The following PTPRD variants were observed in gnomAD, a reference collection of about 807,000 sequenced individuals.
PTPRD encodes the protein protein tyrosine phosphatase receptor type D.
PTPRD carries 34 observed loss-of-function variants against 214.5 expected under a neutral mutation model. That is an observed-to-expected ratio of 0.16 (90% CI 0.12 to 0.21). PTPRD has a LOEUF of 0.21. Ranked by LOEUF, PTPRD falls within the 10% of genes least tolerant of loss-of-function variation. PTPRD has a pLI of 1.00. For synonymous variants in PTPRD, 1,128 were observed against 845.7 expected (o/e 1.33, Z -5.79); for missense variants, 2,545 against 2,398.7 (o/e 1.06, Z -1.27).
chr9:8,762,704 A>G (rs1218054001), intron 11 of PTPRD, among the ~76,000 whole-genome samples: 2 of 152,154 alleles, frequency 1.3e-5, no homozygotes, highest in African/African-American at 4.8e-5. Flanking sequence ...GACCCTTGAA[A>G]CTAAAAGCAC....
At chr9:10,278,465 G>A (rs188155925) in intron 3 of PTPRD, among the ~76,000 whole-genome samples, 1 of 152,126 alleles carries the variant, frequency 6.6e-6, no homozygotes, top group African/African-American at 2.4e-5. Context: ...TCCAAAATCA[G>A]ACAACTTCTG....
chr9:8,759,880 GTGTT>G (rs1301262559), intron 11 of PTPRD, among the ~76,000 whole-genome samples: 6 of 152,112 alleles, frequency 3.9e-5, no homozygotes, highest in Admixed American at 2.0e-4. Context: ...TCCTGGACTC[GTGTT>G]TGTTTGTATG....
chr9:9,382,098 T>G (rs868749857), intron 9 of PTPRD, among the ~76,000 whole-genome samples: 1 of 152,150 alleles, frequency 6.6e-6, no homozygotes, highest in South Asian at 2.1e-4. Flanking sequence ...TTTCATTTCC[T>G]TGTTTAAGTT....
Position 8,873,102 on chromosome 9 carries a change from C to T in PTPRD, c.-103-139156G>A, listed in dbSNP as rs578243727. ...GCCCTGAGACTTCTAATCTGTCTGC[C>T]TAATGGAGCAGGTGGTGAGACTCTC... On this transcript the variant is annotated intron_variant, in intron 11 of 45. Transcript: ENST00000381196. Among the ~76,000 whole-genome samples the T allele has an allele frequency of 4.6e-5, 7 of 152,284 alleles. No homozygotes were observed. The East Asian group carries it at 9.6e-4, about 21-fold the overall frequency.
intron 2 of PTPRD, among the ~76,000 whole-genome samples, chr9:10,438,209 G>C (rs1033873762): frequency 2.0e-5 from 3 of 151,156 alleles, no homozygotes; most frequent in African/African-American, 7.3e-5. Context: ...AACAATTACT[G>C]AGTGCCTATA....
chr9:10,013,052 G>A (rs1032218476), intron 4 of PTPRD, among the ~76,000 whole-genome samples: 3 of 151,950 alleles, frequency 2.0e-5, no homozygotes, highest in East Asian at 1.9e-4. Context: ...CACAGGAAAC[G>A]AGAAGTGGCA....
intron 5 of PTPRD, among the ~76,000 whole-genome samples, chr9:9,890,747 C>T (rs7853562): frequency 0.032 from 4,811 of 151,924 alleles, 236 homozygotes; most frequent in African/African-American, 0.1. Context: ...CACCATCAAT[C>T]GGAAGGGGTG....
chr9:10,410,360 T>C (rs1305754121), intron 2 of PTPRD, among the ~76,000 whole-genome samples: 1 of 149,942 alleles, frequency 6.7e-6, no homozygotes, highest in African/African-American at 2.4e-5. Flanking sequence ...TCTGCATCTC[T>C]ATCTTAAGTC....
At chr9:10,221,394 G>A (rs919244274) in intron 3 of PTPRD, among the ~76,000 whole-genome samples, 3 of 151,624 alleles carry the variant, frequency 2.0e-5, no homozygotes, top group African/African-American at 7.3e-5. Flanking sequence ...TAAAAAACAT[G>A]GATTCTAGAA....
At chr9:8,506,666 T>C (rs989607463) in intron 22 of PTPRD, among the ~76,000 whole-genome samples, 1 of 150,110 alleles carries the variant, frequency 6.7e-6, no homozygotes. Context: ...GCATTATTGA[T>C]GGTGAAACCC....
At chr9:10,418,699 C>T (rs868842523) in intron 2 of PTPRD, among the ~76,000 whole-genome samples, 2 of 151,730 alleles carry the variant, frequency 1.3e-5, no homozygotes, top group African/African-American at 2.4e-5. Flanking sequence ...AGGTCACTAT[C>T]TGTCACATAA....
At chr9:8,358,976 C>T (rs1026458446) in intron 39 of PTPRD, among the ~76,000 whole-genome samples, 6 of 149,790 alleles carry the variant, frequency 4.0e-5, no homozygotes, top group East Asian at 2.0e-4. Context: ...GGCGTGGTGG[C>T]GGGCGCCTGT....
intron 3 of PTPRD, among the ~76,000 whole-genome samples, chr9:10,293,881 C>T (rs1245914063): frequency 6.6e-6 from 1 of 151,864 alleles, no homozygotes; most frequent in East Asian, 1.9e-4. Context: ...TTCTTAAGAA[C>T]AGCAAGGAAT....
chr9:8,784,478 G>C (rs904707335), intron 11 of PTPRD, among the ~76,000 whole-genome samples: 1 of 152,092 alleles, frequency 6.6e-6, no homozygotes, highest in African/African-American at 2.4e-5. Flanking sequence ...CAAGGATCCT[G>C]GCATAGAGAA....
intron 11 of PTPRD, among the ~76,000 whole-genome samples, chr9:8,739,612 A>G (rs2091404218): frequency 6.6e-6 from 1 of 152,170 alleles, no homozygotes; most frequent in African/African-American, 2.4e-5. Flanking sequence ...TGAGGTGAGA[A>G]TTCTGAGTTC....
At chr9:8,532,049 T>G (rs2075826550) in intron 14 of PTPRD, among the ~76,000 whole-genome samples, 1 of 151,964 alleles carries the variant, frequency 6.6e-6, no homozygotes, top group African/African-American at 2.4e-5. Context: ...GGACAGAAAA[T>G]GTAAAGAGCG....
At chr9:10,550,517 T>C (rs181951292) in intron 2 of PTPRD, among the ~76,000 whole-genome samples, 19 of 152,254 alleles carry the variant, frequency 1.2e-4, no homozygotes, top group African/African-American at 4.1e-4. Context: ...ATCAATCTTT[T>C]TGGAGACCCT....
At position 8,940,446 on chromosome 9, in the gene PTPRD, C is replaced by CT. The variant is rs34288443; in HGVS notation, c.-104+78250dup. ...TACAGGCTCCTATCACCACTCCCAGCTTTTTTTTTTTTTTTTTGGTATTTT... is the reference window on the plus strand; with the variant it reads ...TACAGGCTCCTATCACCACTCCCAGCTTTTTTTTTTTTTTTTTTGGTATTTT... On this transcript the variant is annotated intron_variant, in intron 11 of 45. Coordinates refer to ENST00000381196, the MANE Select transcript of PTPRD (RefSeq NM_002839.4). Among the ~76,000 whole-genome samples the CT allele has an allele frequency of 7.4e-5, 7 of 95,018 alleles. No individual in the cohort carries two copies. In the South Asian group the frequency reaches 2.7e-3, roughly 37 times the overall value. 62.3% of individuals were successfully genotyped at this position (95,018 alleles called of 152,430 possible). A position where few individuals can be genotyped will look rare whatever the true frequency, so the allele number is the denominator to read the frequency against.
intron 4 of PTPRD, among the ~76,000 whole-genome samples, chr9:9,958,693 C>T (rs1286474470): frequency 6.6e-6 from 1 of 152,116 alleles, no homozygotes; most frequent in Non-Finnish European, 1.5e-5. Flanking sequence ...ACTTTTAAAA[C>T]TCAGCAATAA....
Sources: allele counts gnomAD v4.1 joint callset (sites outside exome capture counted in the v4.1 genomes callset), GRCh38; gene constraint gnomAD v4.1.1; transcripts MANE v1.5; gene names NCBI Gene and HGNC (gene_info 2026-07-23, HGNC 2026-07-21).